IRAG1: variants seen among roughly 807,000 people sequenced by gnomAD.
IRAG1 encodes the protein IP3R-associated cGMP kinase substrate.
Under a neutral mutation model 106.2 loss-of-function variants are expected in IRAG1, and 62 were observed. The ratio of observed to expected loss-of-function variants is 0.58; its 90% CI spans 0.48 to 0.72. The LOEUF (loss-of-function observed/expected upper bound fraction) is 0.72. IRAG1 is among the 30% of genes least tolerant of loss of function. IRAG1 has a pLI of 0.00. For missense variants in IRAG1, 1,064 were observed against 1,140.7 expected, an observed-to-expected ratio of 0.93 and a Z score of 0.97; for synonymous variants, 462 against 443.9, an observed-to-expected ratio of 1.04 and a Z score of -0.51.
chr11:10,625,162 CG>C (rs1229908837), intron 9 of IRAG1, among the ~76,000 whole-genome samples: 3 of 152,214 alleles, frequency 2.0e-5, no homozygotes, highest in Non-Finnish European at 4.4e-5. Flanking sequence ...TGAGTGCTAT[CG>C]GGCACCTTCT....
Position 10,626,583 on chromosome 11 carries a change from T to A in IRAG1, c.751A>T (p.Asn251Tyr), listed in dbSNP as rs573792780. The A allele has an allele frequency of 6.3e-7, 1 of 1,595,854 alleles. No individual in the cohort carries two copies. The highest frequency in any genetic ancestry group is 1.1e-5 in the South Asian group (1 of 88,918). ...CTGTCAGCTAGCCCTTTGGGGACGTTCTGAAAAAGACAAGGTAGAGCTGGA... is the reference window on the plus strand; with the variant it reads ...CTGTCAGCTAGCCCTTTGGGGACGTACTGAAAAAGACAAGGTAGAGCTGGA... Reference protein sequence around the residue: ...DVSSPHPGEPNVPKGLADRKQ... With the variant: ...DVSSPHPGEPYVPKGLADRKQ... Residue 251 changes from asparagine to tyrosine, a missense_variant and splice_region_variant, in exon 9 of 21, where the codon AAC becomes TAC. Coordinates refer to ENST00000423302, the MANE Select transcript of IRAG1 (RefSeq NM_130385.4).
intron 1 of IRAG1, among the ~76,000 whole-genome samples, chr11:10,686,321 T>C (rs552779811): frequency 6.6e-6 from 1 of 152,302 alleles, no homozygotes; most frequent in South Asian, 2.1e-4. Flanking sequence ...ATTTACAGAC[T>C]TTTAGGGCAC....
At chr11:10,674,209 G>C (rs937300900) in intron 1 of IRAG1, among the ~76,000 whole-genome samples, 17 of 152,150 alleles carry the variant, frequency 1.1e-4, no homozygotes, top group Non-Finnish European at 1.9e-4. Context: ...AGCGAGAGCT[G>C]GGATGCAGTA....
At chr11:10,591,743 A>T (rs1037874162) in intron 17 of IRAG1, 131 bp from the exon 18 acceptor site, 1 of 824,430 alleles carries the variant, frequency 1.2e-6, no homozygotes, top group Non-Finnish European at 2.0e-6. Flanking sequence ...CCACTTTCCA[A>T]TCTTCATCTG....
At chr11:10,601,741 A>C (rs1054218100) in intron 14 of IRAG1, among the ~76,000 whole-genome samples, 1 of 152,228 alleles carries the variant, frequency 6.6e-6, no homozygotes, top group Non-Finnish European at 1.5e-5. Context: ...AGAGTAATAT[A>C]ATCAGGTCAT....
chr11:10,629,482 T>C, intron 5 of IRAG1, 56 bp downstream of exon 5: 2 of 1,562,638 alleles, frequency 1.3e-6, no homozygotes, highest in Non-Finnish European at 1.7e-6. Context: ...GCCAGGCCCT[T>C]CCCTCCCGAC....
At chr11:10,661,158 T>A (rs1859368204) in intron 1 of IRAG1, among the ~76,000 whole-genome samples, 1 of 152,174 alleles carries the variant, frequency 6.6e-6, no homozygotes, top group Admixed American at 6.5e-5. Context: ...TCAACCTTTG[T>A]ACACCTTATG....
rs1228842793 is a variant in IRAG1 at position 10,603,047 on chromosome 11, C to T, written c.1875+73G>A. The T allele has an allele frequency of 1.6e-5, 25 of 1,516,794 alleles. No homozygotes were observed. The Admixed American group carries it at 2.8e-4, about 17-fold the overall frequency. The allele number at this position is 1,516,794 out of a possible 1,614,324, so 94.0% of individuals were successfully genotyped here. On this transcript the variant is annotated intron_variant, in intron 14 of 20. Transcript: ENST00000423302. ...ACCTCTAAGTGGTATCTGTAGTTGC[C>T]GCTGCTTGGGTGATTGCTCTACTTT...
intron 10 of IRAG1, among the ~76,000 whole-genome samples, chr11:10,620,942 A>G (rs980658118): frequency 2.0e-5 from 3 of 152,260 alleles, no homozygotes; most frequent in African/African-American, 7.2e-5. Flanking sequence ...CCATTAAATC[A>G]TAACTGAGGA....
At position 10,600,941 on chromosome 11, in the gene IRAG1, G is replaced by T. The variant is rs367888807; in HGVS notation, c.1994C>A (p.Ser665Ter). The T allele has an allele frequency of 2.5e-6, 4 of 1,614,056 alleles. No homozygotes were observed. Among genetic ancestry groups the T allele is most frequent in the Non-Finnish European group, 3.4e-6 (4 of 1,179,896 alleles). Residue 665 changes from serine to a stop codon, truncating the protein, a stop_gained, in exon 15 of 21, where the codon TCA (serine) becomes TAA (stop). Coordinates refer to ENST00000423302, the MANE Select transcript of IRAG1 (RefSeq NM_130385.4). LOFTEE classifies it high-confidence loss of function. ...ACCAGAGGGGCCACAGCTGCGGCTT[G>T]AATTCTGATTTGCAAGCTTTTTAAA... ...MEFKKLANQN[S>*]SRSCGPSEDG... is the part of the protein sequence containing the mutation.
intron 2 of IRAG1, among the ~76,000 whole-genome samples, chr11:10,634,659 C>G (rs751543040): frequency 4.6e-5 from 7 of 151,936 alleles, no homozygotes; most frequent in Non-Finnish European, 8.8e-5. Context: ...CTTTCTGTGC[C>G]TGGCTTATTT....
intron 10 of IRAG1, among the ~76,000 whole-genome samples, chr11:10,623,052 G>A (rs10500729): frequency 6.6e-6 from 1 of 152,102 alleles, no homozygotes; most frequent in African/African-American, 2.4e-5. Context: ...TCTTAGCCTG[G>A]TTTTACATGC....
chr11:10,680,698 G>GT (rs2135200440), intron 1 of IRAG1, among the ~76,000 whole-genome samples: 2 of 152,206 alleles, frequency 1.3e-5, no homozygotes, highest in South Asian at 4.1e-4. Context: ...GCCCTGCCAT[G>GT]TGACCTTGGG....
chr11:10,640,042 A>G (rs1014650429), intron 2 of IRAG1, among the ~76,000 whole-genome samples: 3 of 152,232 alleles, frequency 2.0e-5, no homozygotes, highest in African/African-American at 7.2e-5. Flanking sequence ...ATTAGCATGA[A>G]GGAATGGGGA....
intron 1 of IRAG1, among the ~76,000 whole-genome samples, chr11:10,670,873 GA>G: frequency 6.6e-6 from 1 of 152,322 alleles, no homozygotes; most frequent in African/African-American, 2.4e-5. Context: ...GAAGAAACCA[GA>G]CCTGCTGATA....
chr11:10,580,370 T>C, intron 20 of IRAG1, 85 bp downstream of exon 20: 1 of 1,549,148 alleles, frequency 6.5e-7, no homozygotes, highest in Non-Finnish European at 8.7e-7. Context: ...TGGACTGGCA[T>C]TTCCAGGGAT....
At chr11:10,682,999 G>C (rs1589976508) in intron 1 of IRAG1, among the ~76,000 whole-genome samples, 1 of 152,202 alleles carries the variant, frequency 6.6e-6, no homozygotes, top group Admixed American at 6.5e-5. Context: ...CTTCAGAGTA[G>C]AGTATGTCAT....
intron 2 of IRAG1, among the ~76,000 whole-genome samples, chr11:10,639,471 G>C (rs1479967469): frequency 6.6e-6 from 1 of 152,142 alleles, no homozygotes; most frequent in Non-Finnish European, 1.5e-5. Flanking sequence ...ACTCTGAGAA[G>C]GCTCGCCTTA....
intron 1 of IRAG1, 112 bp from the exon 2 acceptor site, chr11:10,652,294 C>T: frequency 2.0e-6 from 3 of 1,524,082 alleles, no homozygotes; most frequent in Non-Finnish European, 2.7e-6. Flanking sequence ...TTTGCATCAA[C>T]ACCGGAGGTC....
Sources: allele counts gnomAD v4.1 joint callset (sites outside exome capture counted in the v4.1 genomes callset), GRCh38; gene constraint gnomAD v4.1.1; transcripts MANE v1.5; gene names NCBI Gene and HGNC (gene_info 2026-07-23, HGNC 2026-07-21).